The following BTBD16 variants were observed in gnomAD, a reference collection of about 807,000 sequenced individuals.
BTBD16 encodes BTB/POZ domain-containing protein 16.
Under a neutral mutation model 67.4 loss-of-function variants are expected in BTBD16, and 66 were observed. That is an observed-to-expected ratio of 0.98 (90% confidence interval 0.80 to 1.20). BTBD16 has a LOEUF of 1.20. BTBD16 is among the 50% of genes most tolerant of loss of function. The pLI is 0.00. For synonymous variants in BTBD16, 242 were observed against 236.4 expected, an observed-to-expected ratio of 1.02 and a Z score of -0.22; for missense variants, 634 against 616.0, an observed-to-expected ratio of 1.03 and a Z score of -0.31.
At chr10:122,296,519 T>A (rs1590064201) in intron 7 of BTBD16, among the ~76,000 whole-genome samples, 1 of 152,230 alleles carries the variant, frequency 6.6e-6, no homozygotes, top group East Asian at 1.9e-4. Flanking sequence ...TGTGCTTCCG[T>A]ATGAGATCCC....
chr10:122,275,209 A>G, intron 2 of BTBD16, 110 bp downstream of exon 2: 1 of 1,070,492 alleles, frequency 9.3e-7, no homozygotes, highest in South Asian at 1.3e-5. Context: ...GAGGACCTCA[A>G]GCATTATTGG....
chr10:122,328,097 C>A (rs1221723464), intron 10 of BTBD16, among the ~76,000 whole-genome samples: 1 of 152,180 alleles, frequency 6.6e-6, no homozygotes, highest in Non-Finnish European at 1.5e-5. Flanking sequence ...ATGATGACGC[C>A]TCAGCTGTTC....
intron 10 of BTBD16, among the ~76,000 whole-genome samples, chr10:122,311,186 A>G (rs1464894452): frequency 6.6e-6 from 1 of 152,174 alleles, no homozygotes; most frequent in Non-Finnish European, 1.5e-5. Flanking sequence ...TCAGACACTG[A>G]CATAATGTTG....
intron 9 of BTBD16, among the ~76,000 whole-genome samples, chr10:122,305,126 T>A (rs931240764): frequency 1.3e-5 from 2 of 152,256 alleles, no homozygotes; most frequent in African/African-American, 4.8e-5. Flanking sequence ...CAGATGGAAC[T>A]AAGGTCAGTA....
intron 3 of BTBD16, among the ~76,000 whole-genome samples, chr10:122,281,344 C>T (rs1376133884): frequency 1.3e-5 from 2 of 152,092 alleles, no homozygotes; most frequent in East Asian, 1.9e-4. Context: ...CTCTCCCTTC[C>T]TGGCCTTCCC....
chr10:122,285,983 T>C (rs2096362889), intron 4 of BTBD16, 122 bp from the exon 5 acceptor site: 2 of 974,246 alleles, frequency 2.1e-6, no homozygotes, highest in Non-Finnish European at 3.1e-6. Flanking sequence ...CTGGGGAGGC[T>C]GCTTGCCTGC....
intron 3 of BTBD16, among the ~76,000 whole-genome samples, chr10:122,280,369 T>G (rs11200525): frequency 0.035 from 5,340 of 151,998 alleles, 307 homozygotes; most frequent in African/African-American, 0.12. Flanking sequence ...CAGGCCAGAC[T>G]GGGGAGGGGG....
chr10:122,274,414 G>T (rs1215544920), intron 1 of BTBD16, among the ~76,000 whole-genome samples: 1 of 152,208 alleles, frequency 6.6e-6, no homozygotes, highest in African/African-American at 2.4e-5. Flanking sequence ...GCTGCTTCCT[G>T]TTCTTTCCCG....
At chr10:122,298,410 G>A (rs921538361) in intron 8 of BTBD16, among the ~76,000 whole-genome samples, 16 of 152,318 alleles carry the variant, frequency 1.1e-4, no homozygotes, top group Middle Eastern at 3.4e-3. Context: ...GCCACTTGTG[G>A]TGGAAACTGC....
chr10:122,286,485 C>A (rs183770298), intron 5 of BTBD16, among the ~76,000 whole-genome samples: 2 of 152,170 alleles, frequency 1.3e-5, no homozygotes, highest in Non-Finnish European at 2.9e-5. Flanking sequence ...GGTTCTAGAA[C>A]AAGGCCTGGC....
At chr10:122,327,762 G>A (rs1275920415) in intron 10 of BTBD16, among the ~76,000 whole-genome samples, 1 of 152,180 alleles carries the variant, frequency 6.6e-6, no homozygotes, top group East Asian at 1.9e-4. Context: ...AATGGCCTTC[G>A]AGTCTGAGTG....
At chr10:122,304,055 G>T (rs559930297) in intron 9 of BTBD16, among the ~76,000 whole-genome samples, 1 of 152,080 alleles carries the variant, frequency 6.6e-6, no homozygotes, top group Non-Finnish European at 1.5e-5. Flanking sequence ...AGGACCTCAG[G>T]TGTGGAGTCT....
intron 10 of BTBD16, among the ~76,000 whole-genome samples, chr10:122,309,775 T>A (rs1330788109): frequency 1.5e-4 from 4 of 26,268 alleles, no homozygotes; most frequent in Admixed American, 1.2e-3. Flanking sequence ...GCTGAGTACA[T>A]TTTTTTTTTT....
At chr10:122,321,020 G>A (rs2096434550) in intron 10 of BTBD16, among the ~76,000 whole-genome samples, 1 of 152,000 alleles carries the variant, frequency 6.6e-6, no homozygotes, top group Non-Finnish European at 1.5e-5. Context: ...CCCCACTCTA[G>A]TAGTCCCTAC....
At chr10:122,310,476 A>T (rs538352876) in intron 10 of BTBD16, among the ~76,000 whole-genome samples, 12 of 152,206 alleles carry the variant, frequency 7.9e-5, no homozygotes, top group East Asian at 3.9e-4. Flanking sequence ...GTGGAGGGAG[A>T]CTGCAGGGAG....
intron 3 of BTBD16, among the ~76,000 whole-genome samples, chr10:122,280,916 C>T (rs1430298764): frequency 1.3e-5 from 2 of 152,236 alleles, no homozygotes; most frequent in East Asian, 3.9e-4. Context: ...ATTGATCCTC[C>T]CGCTTCAGCC....
chr10:122,300,691 G>T (rs989309034), intron 9 of BTBD16, among the ~76,000 whole-genome samples: 1 of 151,980 alleles, frequency 6.6e-6, no homozygotes, highest in Non-Finnish European at 1.5e-5. Flanking sequence ...TCTTTCTTCA[G>T]TGCTGTTTAG....
intron 9 of BTBD16, among the ~76,000 whole-genome samples, chr10:122,304,131 G>C (rs1271396795): frequency 6.6e-6 from 1 of 152,164 alleles, no homozygotes; most frequent in East Asian, 1.9e-4. Context: ...ATCATACCAA[G>C]TGCTCTGAGG....
intron 2 of BTBD16, 144 bp downstream of exon 2, chr10:122,275,243 T>C (rs756023533): frequency 3.9e-5 from 31 of 800,882 alleles, no homozygotes; most frequent in Middle Eastern, 4.7e-4. Flanking sequence ...AAAGAGCGCG[T>C]CCAGGCAGCA....
Sources: gnomAD v4.1 joint callset for allele counts (sites outside exome capture counted in the v4.1 genomes callset) on GRCh38, gnomAD v4.1.1 for gene constraint, MANE v1.5 for transcripts, NCBI Gene and HGNC (gene_info 2026-07-23, HGNC 2026-07-21) for gene names.